Variants in PDE10A observed in about 807,000 individuals in gnomAD.
PDE10A encodes phosphodiesterase 10A.
Under a neutral mutation model 97.7 loss-of-function variants are expected in PDE10A, and 39 were observed. The ratio of observed to expected loss-of-function variants is 0.40; its 90% CI spans 0.31 to 0.52. PDE10A has a LOEUF of 0.52. PDE10A is among the 20% of genes least tolerant of loss of function. The pLI, the probability that PDE10A is intolerant of heterozygous loss-of-function variation, is 0.56. For missense variants in PDE10A, 731 were observed against 1,047.8 expected (o/e 0.70, Z 4.17); for synonymous variants, 371 against 376.8 (o/e 0.98, Z 0.18).
chr6:165,369,206 G>C (rs1261056110), intron 18 of PDE10A, among the ~76,000 whole-genome samples: 1 of 152,150 alleles, frequency 6.6e-6, no homozygotes, highest in African/African-American at 2.4e-5. Flanking sequence ...TTCCTCACCA[G>C]CAACGGAACA....
At chr6:165,606,214 T>G (rs533230082) in intron 1 of PDE10A, among the ~76,000 whole-genome samples, 1 of 150,172 alleles carries the variant, frequency 6.7e-6, no homozygotes, top group East Asian at 1.9e-4. Context: ...CAGTAAGTTC[T>G]CAAAAATGCT....
At chr6:165,665,849 A>AGTG (rs1790485757), upstream of PDE10A, among the ~76,000 whole-genome samples, 1 of 152,262 alleles carries the variant, frequency 6.6e-6, no homozygotes, top group African/African-American at 2.4e-5. Flanking sequence ...ACTTTAAATT[A>AGTG]GTGGACCTAT....
At chr6:165,507,933 A>G (rs1181522708) in intron 2 of PDE10A, among the ~76,000 whole-genome samples, 1 of 152,146 alleles carries the variant, frequency 6.6e-6, no homozygotes, top group African/African-American at 2.4e-5. Context: ...ACAAAAGTAC[A>G]TATATTAAAA....
chr6:165,751,867 C>A (rs901372922), intron 1 of PDE10A, among the ~76,000 whole-genome samples: 4 of 151,904 alleles, frequency 2.6e-5, no homozygotes, highest in African/African-American at 9.7e-5. Flanking sequence ...GGGCCAGGCA[C>A]GGTGGCTCAT....
intron 1 of PDE10A, among the ~76,000 whole-genome samples, chr6:165,729,732 C>T (rs1434142218): frequency 6.6e-6 from 1 of 152,068 alleles, no homozygotes; most frequent in Non-Finnish European, 1.5e-5. Flanking sequence ...TTTGAAAGTC[C>T]TTGTATCTAT....
chr6:165,358,105 C>T (rs1029168744), intron 18 of PDE10A, among the ~76,000 whole-genome samples: 1 of 152,060 alleles, frequency 6.6e-6, no homozygotes. Context: ...GTTTACTTTC[C>T]AAATGGTTGG....
chr6:165,972,565 G>T (rs1020891343), intron 1 of PDE10A, among the ~76,000 whole-genome samples: 1 of 152,098 alleles, frequency 6.6e-6, no homozygotes, highest in Non-Finnish European at 1.5e-5. Flanking sequence ...GAGACACAGC[G>T]CACCCAAGCA....
At chr6:165,444,215 A>G (rs995648127) in intron 5 of PDE10A, among the ~76,000 whole-genome samples, 2 of 152,304 alleles carry the variant, frequency 1.3e-5, no homozygotes, top group South Asian at 4.1e-4. Flanking sequence ...GTCTCTTGGA[A>G]GTTTCAAACT....
At chr6:165,771,675 A>C (rs1480266746) in intron 1 of PDE10A, among the ~76,000 whole-genome samples, 2 of 144,296 alleles carry the variant, frequency 1.4e-5, no homozygotes, top group African/African-American at 5.2e-5. Context: ...AAAAAAAAAA[A>C]GCATGCAAAA....
At chr6:165,714,264 T>C (rs1485384642) in intron 1 of PDE10A, among the ~76,000 whole-genome samples, 1 of 152,146 alleles carries the variant, frequency 6.6e-6, no homozygotes, top group South Asian at 2.1e-4. Context: ...CTTGACCCGA[T>C]GGGAGCCTGC....
chr6:165,522,343 A>G (rs1782177806), intron 2 of PDE10A, among the ~76,000 whole-genome samples: 1 of 152,164 alleles, frequency 6.6e-6, no homozygotes, highest in Non-Finnish European at 1.5e-5. Flanking sequence ...CAAAGACACA[A>G]TGCAAAAAGA....
chr6:165,613,314 C>T (rs1048797221), intron 1 of PDE10A, among the ~76,000 whole-genome samples: 11 of 152,016 alleles, frequency 7.2e-5, no homozygotes, highest in East Asian at 3.9e-4. Context: ...TTTGGGGACA[C>T]GGAGGAAGCC....
intron 1 of PDE10A, among the ~76,000 whole-genome samples, chr6:165,890,453 A>G (rs1433572161): frequency 6.6e-6 from 1 of 151,942 alleles, no homozygotes; most frequent in East Asian, 1.9e-4. Context: ...CTCATGCCTT[A>G]AATCCTCAAT....
intron 1 of PDE10A, among the ~76,000 whole-genome samples, chr6:165,695,209 C>CAAAAAAAAAA (rs71029559): frequency 8.1e-6 from 1 of 123,582 alleles, no homozygotes; most frequent in Non-Finnish European, 1.7e-5. Flanking sequence ...TGAAAACTAC[C>CAAAAAAAAAA]AAAAAAAAAA....
chr6:165,556,840 TA>T (rs906929316), intron 1 of PDE10A, among the ~76,000 whole-genome samples: 133 of 145,312 alleles, frequency 9.2e-4, no homozygotes, highest in Non-Finnish European at 1.3e-3. Flanking sequence ...AAATCTTAAA[TA>T]AAAAAAAAAA....
chr6:165,774,051 C>T (rs567042163), intron 1 of PDE10A, among the ~76,000 whole-genome samples: 2 of 152,044 alleles, frequency 1.3e-5, no homozygotes, highest in East Asian at 1.9e-4. Context: ...AATTCACTTA[C>T]GTGTGACACT....
At chr6:165,564,179 G>A (rs71571414) in intron 1 of PDE10A, among the ~76,000 whole-genome samples, 5,415 of 152,210 alleles carry the variant, frequency 0.036, 167 homozygotes, top group Non-Finnish European at 0.046. Context: ...TTAACTGGTG[G>A]ATTTCCAAGG....
At chr6:165,820,948 A>G (rs1208110269) in intron 1 of PDE10A, among the ~76,000 whole-genome samples, 2 of 152,268 alleles carry the variant, frequency 1.3e-5, no homozygotes, top group African/African-American at 2.4e-5. Flanking sequence ...GAAGTTGTCA[A>G]TTTAGACAGC....
chr6:165,755,391 T>C (rs1394771403), intron 1 of PDE10A, among the ~76,000 whole-genome samples: 3 of 152,356 alleles, frequency 2.0e-5, no homozygotes, highest in East Asian at 3.9e-4. Flanking sequence ...AAATAAACAG[T>C]TGCCCTGGGG....
Sources: allele counts gnomAD v4.1 joint callset (sites outside exome capture counted in the v4.1 genomes callset), GRCh38; gene constraint gnomAD v4.1.1; transcripts MANE v1.5; gene names NCBI Gene and HGNC (gene_info 2026-07-23, HGNC 2026-07-21).